The following BICD1 variants were observed in gnomAD, a reference collection of about 807,000 sequenced individuals.
BICD1 encodes BICD cargo adaptor 1.
A neutral mutation model predicts 92.5 loss-of-function variants in BICD1; 35 were observed. The observed-to-expected ratio is 0.38, with a 90% CI of 0.29 to 0.50. The LOEUF is 0.50. BICD1 is among the 20% of genes least tolerant of loss of function. The probability of loss-of-function intolerance (pLI) is 0.93; values close to 1 mark genes in which losing one functional copy is unlikely to be tolerated. For synonymous variants in BICD1, 429 were observed against 465.1 expected (o/e 0.92, Z 1.00); for missense variants, 950 against 1,189.8 (o/e 0.80, Z 2.97).
intron 3 of BICD1, among the ~76,000 whole-genome samples, chr12:32,299,644 A>T (rs1196957872): frequency 6.6e-6 from 1 of 152,086 alleles, no homozygotes; most frequent in Non-Finnish European, 1.5e-5. Flanking sequence ...CACGAGGATC[A>T]CTTGAGTTTG....
At chr12:32,112,001 C>CTTT (rs35592483) in intron 1 of BICD1, among the ~76,000 whole-genome samples, 2,929 of 97,006 alleles carry the variant, frequency 0.03, 238 homozygotes, top group African/African-American at 0.1. Flanking sequence ...TGCACTATCC[C>CTTT]TTTTTTTTTT....
At chr12:32,349,941 A>G (rs933387567) in intron 8 of BICD1, among the ~76,000 whole-genome samples, 1 of 152,222 alleles carries the variant, frequency 6.6e-6, no homozygotes, top group South Asian at 2.1e-4. Flanking sequence ...TACATGGAAT[A>G]TGGAAGCCAC....
intron 2 of BICD1, among the ~76,000 whole-genome samples, chr12:32,217,548 G>A (rs545497590): frequency 2.6e-5 from 4 of 152,236 alleles, no homozygotes; most frequent in South Asian, 2.1e-4. Flanking sequence ...TACTTATCTC[G>A]TTATCTTTGG....
rs142457430 is a variant in BICD1 at position 32,126,631 on chromosome 12, C to A, written c.213+19087C>A. On this transcript the variant is annotated intron_variant, in intron 1 of 9. Coordinates refer to ENST00000652176, the MANE Select transcript of BICD1 (RefSeq NM_001714.4). ...AATTAGTTTGGCATGGTGATGCAAGCCTGTAATCCCAGCTACTTGGGAGGC... is the reference window on the plus strand; with the variant it reads ...AATTAGTTTGGCATGGTGATGCAAGACTGTAATCCCAGCTACTTGGGAGGC... Among the ~76,000 whole-genome samples the A allele has an allele frequency of 4.7e-4, 72 of 152,064 alleles. 1 individual carries two copies. In the Middle Eastern group the frequency reaches 0.014, roughly 29 times the overall value.
Position 32,107,190 on chromosome 12 carries a change from G to C in BICD1, c.-142G>C. On this transcript the variant is annotated 5_prime_UTR_variant, in exon 1 of 10. Transcript: ENST00000652176. Reference sequence around the variant, plus strand: ...CTGCCGCTGCCACCAGAGCCGGCGGGGCATCGCGCTGCTCATTCATCCGGC... The same window carrying C: ...CTGCCGCTGCCACCAGAGCCGGCGGCGCATCGCGCTGCTCATTCATCCGGC... 1 of 776,748 alleles carries C rather than the reference G, an allele frequency of 1.3e-6. No homozygotes were observed. Among genetic ancestry groups the C allele is most frequent in the Non-Finnish European group, 2.0e-6 (1 of 488,854 alleles). The allele number at this position is 776,748 out of a possible 1,614,324, so 48.1% of individuals were successfully genotyped here.
chr12:32,356,774 G>A (rs1228174194), intron 8 of BICD1, among the ~76,000 whole-genome samples: 1 of 152,214 alleles, frequency 6.6e-6, no homozygotes, highest in Non-Finnish European at 1.5e-5. Context: ...ATTATGGAGA[G>A]CACCTTTGTG....
chr12:32,119,634 G>A (rs76953445), intron 1 of BICD1, among the ~76,000 whole-genome samples: 1,936 of 152,312 alleles, frequency 0.013, 50 homozygotes, highest in African/African-American at 0.044. Flanking sequence ...CACTTAGGGA[G>A]ACCAAGGCAG....
At chr12:32,191,147 A>G (rs1250380430) in intron 1 of BICD1, among the ~76,000 whole-genome samples, 2 of 152,204 alleles carry the variant, frequency 1.3e-5, no homozygotes, top group Non-Finnish European at 2.9e-5. Context: ...GATCTTAAAC[A>G]ACCTAATTTC....
chr12:32,243,085 TA>T (rs1223907438), intron 2 of BICD1, among the ~76,000 whole-genome samples: 1 of 151,794 alleles, frequency 6.6e-6, no homozygotes, highest in East Asian at 1.9e-4. Context: ...CATATATTTT[TA>T]AAATGTATTT....
chr12:32,294,146 G>A lies in BICD1; in HGVS notation c.579G>A (p.Gln193=). The change falls in exon 3 of 10, where the codon CAG becomes CAA. Residue 193 remains glutamine (Q), a splice_region_variant and synonymous_variant. Coordinates refer to ENST00000652176, the MANE Select transcript of BICD1 (RefSeq NM_001714.4). The part of the protein sequence containing the change: ...QKLVSTLKQN[Q]VEYEGLKHEI... ...TAGTGTCCACGTTGAAGCAGAACCA[G>A]GTAAGGTTTAAGAAATTTTTTGTTA... 1.3e-6 allele frequency: 2 copies of A among 1,589,068 alleles called. No homozygotes were observed. Among genetic ancestry groups the A allele is most frequent in the Non-Finnish European group, 1.7e-6 (2 of 1,172,978 alleles).
intron 1 of BICD1, among the ~76,000 whole-genome samples, chr12:32,133,213 C>T (rs917180865): frequency 2.6e-5 from 4 of 152,044 alleles, no homozygotes; most frequent in African/African-American, 4.8e-5. Context: ...CCTGGCCAGG[C>T]GGGGTGGCTC....
At chr12:32,255,478 T>C (rs2136115137) in intron 2 of BICD1, among the ~76,000 whole-genome samples, 1 of 152,316 alleles carries the variant, frequency 6.6e-6, no homozygotes, top group Non-Finnish European at 1.5e-5. Context: ...AATGTGAACC[T>C]TTAAAAATGC....
intron 4 of BICD1, among the ~76,000 whole-genome samples, chr12:32,324,586 T>C (rs1289624825): frequency 6.6e-6 from 1 of 151,850 alleles, no homozygotes; most frequent in Non-Finnish European, 1.5e-5. Context: ...TCTTTTTCTT[T>C]TGAGATGAAG....
At chr12:32,327,163 G>A (rs1948798699) in intron 4 of BICD1, among the ~76,000 whole-genome samples, 1 of 152,116 alleles carries the variant, frequency 6.6e-6, no homozygotes, top group Admixed American at 6.6e-5. Context: ...TTTTCTGCAA[G>A]GTGTTAAAAA....
chr12:32,295,658 T>C (rs1947848096), intron 3 of BICD1, among the ~76,000 whole-genome samples: 2 of 146,138 alleles, frequency 1.4e-5, no homozygotes. Context: ...TTTGATTTCT[T>C]TTTTTTTTTT....
chr12:32,353,547 C>T (rs930131492), intron 8 of BICD1: 3 of 150,664 alleles, frequency 2.0e-5, no homozygotes. Context: ...CTGAACCTCT[C>T]AGAATATTTT....
At chr12:32,280,049 G>C (rs1947374866) in intron 2 of BICD1, among the ~76,000 whole-genome samples, 1 of 152,146 alleles carries the variant, frequency 6.6e-6, no homozygotes, top group Admixed American at 6.5e-5. Context: ...AGTGAGCCAA[G>C]ATCATGCCAT....
chr12:32,254,661 G>C (rs1047160408), intron 2 of BICD1, among the ~76,000 whole-genome samples: 1 of 152,138 alleles, frequency 6.6e-6, no homozygotes, highest in African/African-American at 2.4e-5. Flanking sequence ...TGGGACAGTC[G>C]CATCATCTGC....
At chr12:32,264,527 G>A (rs1050094070) in intron 2 of BICD1, among the ~76,000 whole-genome samples, 1 of 151,764 alleles carries the variant, frequency 6.6e-6, no homozygotes, top group Non-Finnish European at 1.5e-5. Flanking sequence ...TTGCTGTGTC[G>A]CCCAGGCTGG....
Sources: allele counts gnomAD v4.1 joint callset (sites outside exome capture counted in the v4.1 genomes callset), GRCh38; gene constraint gnomAD v4.1.1; transcripts MANE v1.5; gene names NCBI Gene and HGNC (gene_info 2026-07-23, HGNC 2026-07-21).